The following RAPH1 variants were observed in gnomAD, a reference collection of about 807,000 sequenced individuals.
RAPH1 encodes ras-associated and pleckstrin homology domains-containing protein 1.
Under a neutral mutation model 88.1 loss-of-function variants are expected in RAPH1, and 18 were observed. The ratio of observed to expected loss-of-function variants is 0.20; its 90% confidence interval spans 0.14 to 0.30. The LOEUF is 0.30. Ranked by LOEUF, RAPH1 falls within the 10% of genes least tolerant of loss-of-function variation. RAPH1 has a pLI of 1.00. For synonymous variants in RAPH1, 587 were observed against 559.0 expected (o/e 1.05, Z -0.71); for missense variants, 1,448 against 1,543.2 (o/e 0.94, Z 1.03).
rs2098519002 is a variant in RAPH1 at position 203,455,901 on chromosome 2, TG to T, written c.1159-322del. Among the ~76,000 whole-genome samples the T allele has an allele frequency of 8.0e-5, 12 of 150,202 alleles. No homozygotes were observed. In the South Asian group the frequency reaches 2.5e-3, roughly 32 times the overall value. On this transcript the variant is annotated intron_variant, in intron 8 of 13. Transcript: ENST00000319170. ...GCGCGAGCCTGTAGTCCCAGTTATG[TG>T]GGCAGCTGAGGCACAAAAATTGCTT...
rs1211565813 is a variant in RAPH1 at position 203,506,896 on chromosome 2, A to AT, written c.1-11544dup. Among the ~76,000 whole-genome samples the AT allele has an allele frequency of 3.3e-4, 33 of 100,900 alleles. 4 individuals are homozygous for AT. The highest frequency in any genetic ancestry group is 1.4e-3 in the African/African-American group (25 of 17,734). 66.2% of individuals were successfully genotyped at this position (100,900 alleles called of 152,430 possible). ...TATATATATAGATATATATATATAT[A>AT]TATTTTTTTTTTTTTTGAGATGAAC... On this transcript the variant is annotated intron_variant, in intron 1 of 13. Transcript: ENST00000319170.
In RAPH1 at chr2:203,489,684, C is replaced by G; in HGVS notation, c.632G>C (p.Ser211Thr). The change falls in exon 4 of 14, where the codon AGC becomes ACC. Residue 211 changes from serine to threonine, a missense_variant. Physicochemically the swap from Ser to Thr is moderately conservative, Grantham distance 58. Transcript: ENST00000319170. ...CATGCTGGAGGCTGCGGAAGTGATG[C>G]TGGAATGGGAGGAATTACTAATAGA... ...VHSISNSSHS[S>T]ITSAASSMDS... The G allele has an allele frequency of 6.2e-7, 1 of 1,614,104 alleles. No individual in the cohort carries two copies. Among genetic ancestry groups the G allele is most frequent in the Admixed American group, 1.7e-5 (1 of 60,002 alleles).
intron 2 of RAPH1, among the ~76,000 whole-genome samples, chr2:203,493,039 A>C (rs748501127): frequency 1.3e-5 from 2 of 152,226 alleles, no homozygotes; most frequent in Non-Finnish European, 2.9e-5. Context: ...AAAGTAATGA[A>C]ATAAACAAGA....
In RAPH1 at chr2:203,477,682, C is replaced by A. The variant is rs537450352; in HGVS notation, c.732+11902G>T. Among the ~76,000 whole-genome samples, 7 of 152,252 alleles carry A rather than the reference C, an allele frequency of 4.6e-5. No homozygotes were observed. The South Asian group carries it at 1.5e-3, about 32-fold the overall frequency. The stretch of plus-strand genomic sequence containing the variant: ...TATACCCATATTTTTATCCTCCCCT[C>A]GAATTCTAGATGAATAATGTGTTTT... On this transcript the variant is annotated intron_variant, in intron 4 of 13. Coordinates refer to ENST00000319170, the MANE Select transcript of RAPH1 (RefSeq NM_213589.3).
Position 203,477,198 on chromosome 2 carries a change from G to A in RAPH1, c.732+12386C>T, listed in dbSNP as rs776939403. 7 of 1,479,356 alleles carry A rather than the reference G, an allele frequency of 4.7e-6. No individual in the cohort carries two copies. The East Asian group carries it at 1.1e-4, about 24-fold the overall frequency. The allele number at this position is 1,479,356 out of a possible 1,614,324, so 91.6% of individuals were successfully genotyped here. A position where few individuals can be genotyped will look rare whatever the true frequency, so the allele number is the denominator to read the frequency against. The stretch of plus-strand genomic sequence containing the variant: ...AGGAAGAAAATGATAGGTAAAGGAG[G>A]TGAAACGGGCAGTTCTCATTACCAT... On this transcript the variant is annotated intron_variant, in intron 4 of 13. Coordinates refer to ENST00000319170, the MANE Select transcript of RAPH1 (RefSeq NM_213589.3).
chr2:203,514,672 A>G (rs547130136), intron 1 of RAPH1, among the ~76,000 whole-genome samples: 1 of 152,048 alleles, frequency 6.6e-6, no homozygotes, highest in East Asian at 1.9e-4. Context: ...CTCCTGCCTC[A>G]GCCTCCCGAG....
At chr2:203,493,020 T>C (rs148997982) in intron 2 of RAPH1, among the ~76,000 whole-genome samples, 122 of 152,346 alleles carry the variant, frequency 8.0e-4, no homozygotes, top group African/African-American at 2.5e-3. Flanking sequence ...GATAACACTG[T>C]AATGAACTAA....
At chr2:203,486,047 G>C (rs1687952086) in intron 4 of RAPH1, among the ~76,000 whole-genome samples, 1 of 147,096 alleles carries the variant, frequency 6.8e-6, no homozygotes, top group Non-Finnish European at 1.5e-5. Context: ...CTCCAGAGAA[G>C]CTCACCAGCC....
intron 1 of RAPH1, among the ~76,000 whole-genome samples, chr2:203,532,456 G>C (rs1029346306): frequency 3.9e-5 from 6 of 152,146 alleles, no homozygotes; most frequent in South Asian, 2.1e-4. Context: ...TGTTGCTTTA[G>C]TGGCAGTGTA....
In RAPH1 at chr2:203,495,328, A is replaced by G. The variant is rs754544200; in HGVS notation, c.26T>C (p.Ile9Thr). The G allele has an allele frequency of 4.3e-6, 7 of 1,614,012 alleles. No homozygotes were observed. The highest frequency in any genetic ancestry group is 3.3e-5 in the South Asian group (3 of 91,070). ...ACTGTCTTCTTCAGCACCATGATCA[A>G]TTTCTTCATCTGATAGCTGCTCCAT... MEQLSDEE[I>T]DHGAEEDSDK... Residue 9 changes from isoleucine to threonine, a missense_variant, in exon 2 of 14, where the codon ATT (isoleucine) becomes ACT (threonine). By Grantham distance (89) the Ile-to-Thr change is moderately conservative (BLOSUM62 -1). Coordinates refer to ENST00000319170, the MANE Select transcript of RAPH1 (RefSeq NM_213589.3).
chr2:203,483,571 G>A (rs1687824064), intron 4 of RAPH1, among the ~76,000 whole-genome samples: 1 of 152,156 alleles, frequency 6.6e-6, no homozygotes, highest in South Asian at 2.1e-4. Flanking sequence ...TATTTATGAT[G>A]GTTAATTTTA....
In RAPH1 at chr2:203,440,395, G is replaced by T. The variant is rs1240701762; in HGVS notation, c.2795C>A (p.Pro932Gln). The T allele has an allele frequency of 6.4e-7, 1 of 1,571,064 alleles. No individual in the cohort carries two copies. ...TGGTGGTGGGGCTGGGACAGGTGAT[G>T]GGGGTGGAGGAGGAAACACCAGGCT... is the stretch of plus-strand genomic sequence containing the variant. ...ESSLVFPPPP[P>Q]SPVPAPPPPP... is the part of the protein sequence containing the mutation. Residue 932 changes from proline (P) to glutamine (Q), a missense_variant, in exon 14 of 14, where the codon CCA becomes CAA. Pro to Gln is a moderately conservative substitution (Grantham distance 76). Coordinates refer to ENST00000319170, the MANE Select transcript of RAPH1 (RefSeq NM_213589.3).
At chr2:203,484,714 G>A (rs774013723) in intron 4 of RAPH1, among the ~76,000 whole-genome samples, 12 of 152,148 alleles carry the variant, frequency 7.9e-5, no homozygotes, top group East Asian at 1.9e-4. Context: ...GTGATGGTGC[G>A]ACTAAAAGCA....
intron 4 of RAPH1, among the ~76,000 whole-genome samples, chr2:203,468,902 G>C (rs1351233151): frequency 6.6e-6 from 1 of 152,138 alleles, no homozygotes; most frequent in Admixed American, 6.6e-5. Flanking sequence ...TTAGAAATTG[G>C]AGACATTAAA....
chr2:203,503,262 G>T (rs374845805), intron 1 of RAPH1, among the ~76,000 whole-genome samples: 1 of 151,924 alleles, frequency 6.6e-6, no homozygotes, highest in Non-Finnish European at 1.5e-5. Flanking sequence ...CTATTAAACC[G>T]CAAACAGGAA....
At chr2:203,472,960 TAA>T (rs1258756591) in intron 4 of RAPH1, among the ~76,000 whole-genome samples, 1 of 152,120 alleles carries the variant, frequency 6.6e-6, no homozygotes, top group African/African-American at 2.4e-5. Context: ...TAGCTTAAAA[TAA>T]AAAGAGGGTA....
chr2:203,515,181 T>C (rs1689540788), intron 1 of RAPH1, among the ~76,000 whole-genome samples: 1 of 150,632 alleles, frequency 6.6e-6, no homozygotes, highest in Admixed American at 6.6e-5. Flanking sequence ...AAATATTTTA[T>C]AGGCTACTTA....
At chr2:203,501,815 G>GAAAAAAAAAAAAAAAAAAAACAAAAA (rs56269110) in intron 1 of RAPH1, among the ~76,000 whole-genome samples, 1 of 106,692 alleles carries the variant, frequency 9.4e-6, no homozygotes, top group Non-Finnish European at 1.9e-5. Context: ...TAAGCATTAT[G>GAAAAAAAAAAAAAAAAAAAACAAAAA]AAAAAAAAAA....
intron 9 of RAPH1, among the ~76,000 whole-genome samples, chr2:203,454,752 T>C (rs1384087612): frequency 6.6e-6 from 1 of 152,234 alleles, no homozygotes; most frequent in Non-Finnish European, 1.5e-5. Flanking sequence ...CTTACTGTTT[T>C]GTCATTCACA....
Sources: allele counts gnomAD v4.1 joint callset (sites outside exome capture counted in the v4.1 genomes callset), GRCh38; gene constraint gnomAD v4.1.1; transcripts MANE v1.5; gene names NCBI Gene and HGNC (gene_info 2026-07-23, HGNC 2026-07-21).